The following QSER1 variants were observed in gnomAD, a reference collection of about 807,000 sequenced individuals.
QSER1 encodes the protein glutamine and serine rich 1.
A neutral mutation model predicts 158.5 loss-of-function variants in QSER1; 49 were observed. That is an observed-to-expected ratio of 0.31 (90% CI 0.25 to 0.39). The LOEUF (loss-of-function observed/expected upper bound fraction) is 0.39. Among genes scored for constraint, QSER1 ranks in the 10% least tolerant of loss-of-function variants. The pLI is 1.00. For synonymous variants in QSER1, 650 were observed against 715.5 expected (o/e 0.91, Z 1.46); for missense variants, 1,754 against 2,010.3 (o/e 0.87, Z 2.44).
Position 32,966,317 on chromosome 11 carries a change from C to A in QSER1, c.4987C>A (p.Pro1663Thr), listed in dbSNP as rs1157935452. The change falls in exon 9 of 13, where the codon CCC becomes ACC. Residue 1663 changes from proline (P) to threonine (T), a missense_variant. Physicochemically the swap from Pro to Thr is conservative, Grantham distance 38. Transcript: ENST00000650167. Reference sequence around the variant, plus strand: ...CCTCCCAGAATTTGAACCTCCCGCTCCCTTTGTCACTCGCTTTTTGAACAC... The same window carrying A: ...CCTCCCAGAATTTGAACCTCCCGCTACCTTTGTCACTCGCTTTTTGAACAC... ...SDDEEFEPPA[P>T]FVTRFLNTRA... 1 of 1,613,846 alleles carries A rather than the reference C, an allele frequency of 6.2e-7. No homozygotes were observed. The highest frequency in any genetic ancestry group is 8.5e-7 in the Non-Finnish European group (1 of 1,179,896).
chr11:32,897,497 A>G (rs1851569963), intron 1 of QSER1, among the ~76,000 whole-genome samples: 1 of 152,060 alleles, frequency 6.6e-6, no homozygotes, highest in African/African-American at 2.4e-5. Context: ...CTTCCATAGC[A>G]CTGTACTTGC....
rs1278731786 is a variant in QSER1 at position 32,892,860 on chromosome 11, C to CCGCCGCCGT, written c.-264_-263insCCGCCGTCG. Among the ~76,000 whole-genome samples, 4 of 148,396 alleles carry CCGCCGCCGT rather than the reference C, an allele frequency of 2.7e-5. No individual in the cohort carries two copies. Among genetic ancestry groups the CCGCCGCCGT allele is most frequent in the South Asian group, 2.1e-4 (1 of 4,774 alleles). ...GGCGCAGCGGCCGCCGCCGCCGCCG[C>CCGCCGCCGT]CGTCGCCGCGAGTCCCGGCCGCGGG... On this transcript the variant is annotated 5_prime_UTR_variant, in exon 1 of 13. Coordinates refer to ENST00000650167, the MANE Select transcript of QSER1 (RefSeq NM_001076786.3).
intron 4 of QSER1, among the ~76,000 whole-genome samples, chr11:32,942,003 T>C (rs1261640811): frequency 7.8e-4 from 112 of 143,662 alleles, no homozygotes; most frequent in South Asian, 1.1e-3. Flanking sequence ...CATTTTTTCA[T>C]GTGTCTTTTG....
Position 32,976,689 on chromosome 11 carries a change from T to C in QSER1, c.*215T>C. The stretch of plus-strand genomic sequence containing the variant: ...CCTAAATCCCACCACATTTTTACCC[T>C]AATGAATGATTTTTCTATTTTGTAA... On this transcript the variant is annotated 3_prime_UTR_variant, in exon 13 of 13. Coordinates refer to ENST00000650167, the MANE Select transcript of QSER1 (RefSeq NM_001076786.3). 1 of 462,028 alleles carries C rather than the reference T, an allele frequency of 2.2e-6. No homozygotes were observed. The highest frequency in any genetic ancestry group is 3.8e-6 in the Non-Finnish European group (1 of 261,664). 28.6% of individuals were successfully genotyped at this position (462,028 alleles called of 1,614,324 possible).
chr11:32,946,340 G>C (rs1054711520), intron 4 of QSER1, among the ~76,000 whole-genome samples: 1 of 152,134 alleles, frequency 6.6e-6, no homozygotes, highest in African/African-American at 2.4e-5. Context: ...CAGTTTTTCT[G>C]TTCTGCTTTT....
rs780051866 is a variant in QSER1, at chr11:32,932,993, G to A, written c.1735G>A (p.Val579Ile). The A allele has an allele frequency of 6.2e-7, 1 of 1,612,336 alleles. No homozygotes were observed. The highest frequency in any genetic ancestry group is 8.5e-7 in the Non-Finnish European group (1 of 1,179,988). ...TQVSYSSQSQ[V>I]LSVVSLSESY... ...GGTTAGCTATTCATCTCAATCACAA[G>A]TTTTGTCAGTTGTTAGTCTTTCAGA... is the stretch of plus-strand genomic sequence containing the variant. The change falls in exon 4 of 13, where the codon GTT (valine) becomes ATT (isoleucine). Residue 579 changes from valine (V) to isoleucine (I), a missense_variant. Around this residue, in one of 2 missense-constraint regions of QSER1, gnomAD observed 1,707 missense variants for 1,919.6 expected, o/e 0.89. Coordinates refer to ENST00000650167, the MANE Select transcript of QSER1 (RefSeq NM_001076786.3).
intron 1 of QSER1, among the ~76,000 whole-genome samples, chr11:32,907,409 T>C (rs1253727232): frequency 6.6e-6 from 1 of 152,208 alleles, no homozygotes; most frequent in East Asian, 1.9e-4. Context: ...CTTTATCTAA[T>C]GCCAGAAATA....
At chr11:32,921,879 T>C (rs897667727) in intron 1 of QSER1, among the ~76,000 whole-genome samples, 4 of 152,192 alleles carry the variant, frequency 2.6e-5, no homozygotes, top group African/African-American at 7.2e-5. Flanking sequence ...AAAATATAGT[T>C]ATTTGTGGAT....
At position 32,976,527 on chromosome 11, in the gene QSER1, G is replaced by T; in HGVS notation, c.*53G>T. On this transcript the variant is annotated 3_prime_UTR_variant, in exon 13 of 13. Transcript: ENST00000650167. ...TAGCACTAATGAAATGGCAGATATGGGGTGGTCAAAGATAATCAGATGTCA... is the reference window on the plus strand; with the variant it reads ...TAGCACTAATGAAATGGCAGATATGTGGTGGTCAAAGATAATCAGATGTCA... The T allele has an allele frequency of 1.3e-6, 2 of 1,586,712 alleles. No individual in the cohort carries two copies. The highest frequency in any genetic ancestry group is 1.7e-6 in the Non-Finnish European group (2 of 1,164,422).
chr11:32,964,471 A>T (rs554784210), intron 8 of QSER1, among the ~76,000 whole-genome samples: 2 of 152,260 alleles, frequency 1.3e-5, no homozygotes, highest in Admixed American at 1.3e-4. Flanking sequence ...ATAGTATCTT[A>T]ATATTATCAT....
intron 1 of QSER1, among the ~76,000 whole-genome samples, chr11:32,924,109 A>C (rs1298888306): frequency 1.3e-5 from 2 of 152,246 alleles, no homozygotes; most frequent in Non-Finnish European, 2.9e-5. Flanking sequence ...TCACAGACCT[A>C]AACATATAAG....
intron 1 of QSER1, among the ~76,000 whole-genome samples, chr11:32,915,121 T>A (rs1239021583): frequency 1.3e-5 from 2 of 152,304 alleles, no homozygotes; most frequent in African/African-American, 4.8e-5. Context: ...TTGCCCAGGC[T>A]GATCTTGAAT....
chr11:32,913,072 A>C (rs1057439441), intron 1 of QSER1, among the ~76,000 whole-genome samples: 1 of 151,196 alleles, frequency 6.6e-6, no homozygotes, highest in Non-Finnish European at 1.5e-5. Flanking sequence ...GAATTACTAC[A>C]GTTCTAATGT....
intron 4 of QSER1, among the ~76,000 whole-genome samples, chr11:32,940,634 T>G (rs1852216050): frequency 6.6e-6 from 1 of 152,178 alleles, no homozygotes; most frequent in South Asian, 2.1e-4. Flanking sequence ...CCAGTTTTTC[T>G]TGAGGTCGCT....
rs754209593 is a variant in QSER1 at position 32,932,758 on chromosome 11, C to T, written c.1500C>T (p.Pro500=). 4 of 1,614,084 alleles carry T rather than the reference C, an allele frequency of 2.5e-6. No homozygotes were observed. The highest frequency in any genetic ancestry group is 3.4e-6 in the Non-Finnish European group (4 of 1,179,990). The change falls in exon 4 of 13, where the codon CCC becomes CCT. Residue 500 remains proline, a synonymous_variant. Transcript: ENST00000650167. ...CCAGCAAGGTTGAGAAATTGCCACC[C>T]TTGTATAAAACATTGACTTTTTCTG... ...YRSSKVEKLP[P]LYKTLTFSGS...
At chr11:32,949,124 A>G (rs1045044420) in intron 4 of QSER1, among the ~76,000 whole-genome samples, 3 of 152,088 alleles carry the variant, frequency 2.0e-5, no homozygotes, top group African/African-American at 7.2e-5. Context: ...ACATTTACTT[A>G]TATATTTCCC....
At chr11:32,975,936 T>C (rs1852967698) in intron 12 of QSER1, among the ~76,000 whole-genome samples, 1 of 152,218 alleles carries the variant, frequency 6.6e-6, no homozygotes, top group East Asian at 1.9e-4. Flanking sequence ...CTTTTCATTA[T>C]AAAGGGTCCA....
intron 4 of QSER1, among the ~76,000 whole-genome samples, chr11:32,951,908 G>A (rs1276757728): frequency 2.0e-5 from 3 of 150,750 alleles, no homozygotes; most frequent in African/African-American, 7.3e-5. Flanking sequence ...TGAGATCGTG[G>A]CTCACTGCAA....
intron 9 of QSER1, among the ~76,000 whole-genome samples, chr11:32,967,433 C>T (rs1348246253): frequency 1.3e-5 from 2 of 152,064 alleles, no homozygotes; most frequent in Non-Finnish European, 2.9e-5. Context: ...CTATACAGCT[C>T]ATCCATGTAA....
Sources: allele counts gnomAD v4.1 joint callset (sites outside exome capture counted in the v4.1 genomes callset), GRCh38; gene constraint gnomAD v4.1.1; regional missense constraint gnomAD v4.1.1; transcripts MANE v1.5; gene names NCBI Gene and HGNC (gene_info 2026-07-23, HGNC 2026-07-21).